Variants in SH3RF3 observed in about 807,000 individuals in gnomAD.
The protein encoded by SH3RF3 is SH3 domain containing ring finger 3.
A neutral mutation model predicts 66.3 loss-of-function variants in SH3RF3; 29 were observed. That is an observed-to-expected ratio of 0.44 (90% CI 0.33 to 0.60). SH3RF3 has a LOEUF of 0.60. Ranked by LOEUF, SH3RF3 falls within the 20% of genes least tolerant of loss-of-function variation. The pLI is 0.04. For synonymous variants in SH3RF3, 583 were observed against 532.0 expected (o/e 1.10, Z -1.32); for missense variants, 1,194 against 1,190.9 (o/e 1.00, Z -0.04).
At chr2:109,314,483 A>G (rs13424751) in intron 1 of SH3RF3, among the ~76,000 whole-genome samples, 47,458 of 152,062 alleles carry the variant, frequency 0.31, 9,189 homozygotes, top group African/African-American at 0.55. Context: ...CTGAAACGGC[A>G]TGACCTTTGA....
intron 5 of SH3RF3, among the ~76,000 whole-genome samples, chr2:109,430,618 C>G (rs1046188810): frequency 5.9e-5 from 9 of 152,294 alleles, no homozygotes; most frequent in African/African-American, 1.7e-4. Context: ...TACACAGGTA[C>G]GTGTTGGCTG....
intron 7 of SH3RF3, among the ~76,000 whole-genome samples, chr2:109,439,329 T>A (rs183260258): frequency 6.2e-4 from 94 of 152,254 alleles, no homozygotes; most frequent in Non-Finnish European, 1.0e-3. Context: ...GCTATTGCTG[T>A]CACAGCCAGG....
rs78477726 is a variant in SH3RF3 at position 109,261,752 on chromosome 2, T to C, written c.574-85922T>C. Among the ~76,000 whole-genome samples the C allele has an allele frequency of 5.6e-3, 847 of 152,294 alleles. 5 individuals carry two copies. Among genetic ancestry groups the C allele is most frequent in the Non-Finnish European group, 8.2e-3 (555 of 68,028 alleles). On this transcript the variant is annotated intron_variant, in intron 1 of 9. Transcript: ENST00000309415. ...TGAGAATCAGTGTAATCGGCAGGCA[T>C]TTCAAGCCTTTGTCATGGATTTATA... is the stretch of plus-strand genomic sequence containing the variant.
At chr2:109,495,111 A>G (rs1399214904) in intron 9 of SH3RF3, among the ~76,000 whole-genome samples, 2 of 152,216 alleles carry the variant, frequency 1.3e-5, no homozygotes, top group African/African-American at 4.8e-5. Flanking sequence ...GTTCCTTCCA[A>G]GAGGACCTCA....
chr2:109,288,380 A>G lies in SH3RF3; in HGVS notation c.574-59294A>G, dbSNP rs573819941. Among the ~76,000 whole-genome samples, 3 of 152,196 alleles carry G rather than the reference A, an allele frequency of 2.0e-5. No homozygotes were observed. In the East Asian group the frequency reaches 5.8e-4, roughly 29 times the overall value. Reference sequence around the variant, plus strand: ...AACAGGAACACTCAGAGGTATTCTCATCTAAAGACCAGTTCACAAAGGAGG... The same window carrying G: ...AACAGGAACACTCAGAGGTATTCTCGTCTAAAGACCAGTTCACAAAGGAGG... On this transcript the variant is annotated intron_variant, in intron 1 of 9. Coordinates refer to ENST00000309415, the MANE Select transcript of SH3RF3 (RefSeq NM_001099289.3).
At chr2:109,393,230 G>A (rs938052306) in intron 3 of SH3RF3, among the ~76,000 whole-genome samples, 3 of 152,228 alleles carry the variant, frequency 2.0e-5, no homozygotes, top group Non-Finnish European at 4.4e-5. Flanking sequence ...AGGGTAAGGC[G>A]AACGCCCCAC....
intron 7 of SH3RF3, among the ~76,000 whole-genome samples, chr2:109,438,337 G>A (rs925666958): frequency 1.3e-5 from 2 of 152,158 alleles, no homozygotes; most frequent in East Asian, 3.9e-4. Context: ...CCATCAGCAG[G>A]TATAGGGTGA....
At chr2:109,401,351 C>A (rs1676308204) in intron 4 of SH3RF3, among the ~76,000 whole-genome samples, 2 of 152,204 alleles carry the variant, frequency 1.3e-5, no homozygotes. Flanking sequence ...GGAGCAGCGG[C>A]CTGGCCCTTG....
intron 1 of SH3RF3, among the ~76,000 whole-genome samples, chr2:109,258,819 AC>A (rs1367045464): frequency 2.0e-5 from 3 of 152,174 alleles, no homozygotes; most frequent in African/African-American, 7.2e-5. Context: ...TCAGAGCAGG[AC>A]CCATCCAGGG....
chr2:109,229,595 T>C (rs1020362149), intron 1 of SH3RF3, among the ~76,000 whole-genome samples: 3 of 152,128 alleles, frequency 2.0e-5, no homozygotes, highest in Non-Finnish European at 2.9e-5. Context: ...GGCACACTCA[T>C]GAGCAAGTTG....
At chr2:109,132,668 C>G (rs796753617) in intron 1 of SH3RF3, among the ~76,000 whole-genome samples, 45 of 152,312 alleles carry the variant, frequency 3.0e-4, no homozygotes, top group Middle Eastern at 3.4e-3. Context: ...ATATGTGTTA[C>G]TTCTTGAAGT....
At chr2:109,493,742 GACAC>G (rs1207853814) in intron 9 of SH3RF3, among the ~76,000 whole-genome samples, 2 of 151,004 alleles carry the variant, frequency 1.3e-5, no homozygotes, top group East Asian at 2.0e-4. Flanking sequence ...ACATTATGCA[GACAC>G]ACACACTGCA....
chr2:109,323,043 A>G (rs2105464649), intron 1 of SH3RF3, among the ~76,000 whole-genome samples: 1 of 152,312 alleles, frequency 6.6e-6, no homozygotes, highest in South Asian at 2.1e-4. Context: ...GGTCTCGTTG[A>G]AATGTTTTAT....
At chr2:109,453,170 C>G (rs1362063503) in intron 8 of SH3RF3, among the ~76,000 whole-genome samples, 1 of 152,170 alleles carries the variant, frequency 6.6e-6, no homozygotes, top group Non-Finnish European at 1.5e-5. Flanking sequence ...TGAACCAGAG[C>G]TCCTCTCTGG....
intron 4 of SH3RF3, among the ~76,000 whole-genome samples, chr2:109,406,391 C>G (rs1676453762): frequency 6.6e-6 from 1 of 152,104 alleles, no homozygotes; most frequent in Non-Finnish European, 1.5e-5. Flanking sequence ...GCAGTCAGCT[C>G]TGGAGTGCCC....
chr2:109,203,849 G>A lies in SH3RF3; in HGVS notation c.573+73736G>A, dbSNP rs528145524. ...GTTTGCTCTCTTGTGTGGGTGCCTCGCTACCTACCCCTGGGCCCTTCTTGT... is the reference window on the plus strand; with the variant it reads ...GTTTGCTCTCTTGTGTGGGTGCCTCACTACCTACCCCTGGGCCCTTCTTGT... On this transcript the variant is annotated intron_variant, in intron 1 of 9. Coordinates refer to ENST00000309415, the MANE Select transcript of SH3RF3 (RefSeq NM_001099289.3). Among the ~76,000 whole-genome samples, 3 of 152,192 alleles carry A rather than the reference G, an allele frequency of 2.0e-5. 1 individual carries two copies. The highest frequency in any genetic ancestry group is 4.1e-4 in the South Asian group (2 of 4,828).
At chr2:109,247,235 A>T (rs993792396) in intron 1 of SH3RF3, among the ~76,000 whole-genome samples, 12 of 152,200 alleles carry the variant, frequency 7.9e-5, no homozygotes, top group African/African-American at 2.9e-4. Flanking sequence ...ATGCCCACAG[A>T]TTATGTGCTG....
intron 1 of SH3RF3, among the ~76,000 whole-genome samples, chr2:109,172,527 C>T (rs764067399): frequency 1.3e-5 from 2 of 152,188 alleles, no homozygotes; most frequent in Non-Finnish European, 2.9e-5. Flanking sequence ...TCTTACCTCC[C>T]TCCGCTTGTC....
At chr2:109,212,009 A>T (rs905064676) in intron 1 of SH3RF3, among the ~76,000 whole-genome samples, 1 of 152,186 alleles carries the variant, frequency 6.6e-6, no homozygotes, top group Non-Finnish European at 1.5e-5. Context: ...TCAATAAATG[A>T]CTGATTGAGC....
Sources: gnomAD v4.1 joint callset for allele counts (sites outside exome capture counted in the v4.1 genomes callset) on GRCh38, gnomAD v4.1.1 for gene constraint, MANE v1.5 for transcripts, NCBI Gene and HGNC (gene_info 2026-07-23, HGNC 2026-07-21) for gene names.